CLDN19: variants seen among roughly 807,000 people sequenced by gnomAD.
The protein encoded by CLDN19 is claudin 19.
In CLDN19, 19 loss-of-function variants were observed where a neutral mutation model predicts 24.5. The ratio of observed to expected loss-of-function variants is 0.78; its 90% CI spans 0.54 to 1.14. The LOEUF is 1.14. Ranked by LOEUF, CLDN19 falls within the 50% of genes most tolerant of loss-of-function variation. The pLI is 0.00. For synonymous variants in CLDN19, 117 were observed against 129.6 expected (o/e 0.90, Z 0.66); for missense variants, 250 against 295.9 (o/e 0.84, Z 1.14).
chr1:42,736,025 T>G lies in CLDN19; in HGVS notation c.479A>C (p.Glu160Ala). 6.4e-7 allele frequency: 1 copy of G among 1,572,832 alleles called. No homozygotes were observed. The highest frequency in any genetic ancestry group is 2.2e-4 in the Middle Eastern group (1 of 4,496). Residue 160 changes from glutamate (E) to alanine (A), a missense_variant, in exon 4 of 5, where the codon GAA becomes GCA. Physicochemically the swap from Glu to Ala is moderately radical, Grantham distance 107 (BLOSUM62 -1). Coordinates refer to ENST00000296387, the MANE Select transcript of CLDN19 (RefSeq NM_148960.3). ...GCCCACGAACAGGGCTGGGCCAAAT[T>G]CATACCTGCAAGGGGTAGGGAGAGT... ...NPSTPVNARYEFGPALFVGWA... is the reference protein window; with the variant it reads ...NPSTPVNARYAFGPALFVGWA...
Position 42,740,177 on chromosome 1 carries a change from G to T in CLDN19, c.-114C>A. The T allele has an allele frequency of 1.3e-6, 1 of 791,656 alleles. No homozygotes were observed. Among genetic ancestry groups the T allele is most frequent in the Non-Finnish European group, 2.1e-6 (1 of 468,880 alleles). 49.0% of individuals were successfully genotyped at this position (791,656 alleles called of 1,614,324 possible). A position where few individuals can be genotyped will look rare whatever the true frequency, so the allele number is the denominator to read the frequency against. On this transcript the variant is annotated 5_prime_UTR_variant, in exon 1 of 5. Transcript: ENST00000296387. Reference sequence around the variant, plus strand: ...AGCTGGGCAGGGGGAGCAGCGAGAAGGAGGGTCAGAGGCAGAGAAGGAGAG... The same window carrying T: ...AGCTGGGCAGGGGGAGCAGCGAGAATGAGGGTCAGAGGCAGAGAAGGAGAG...
chr1:42,735,532 T>C lies in CLDN19; in HGVS notation c.626+346A>G, dbSNP rs964577864. 4.9e-6 allele frequency: 7 copies of C among 1,416,326 alleles called. No individual in the cohort carries two copies. In the Admixed American group the frequency reaches 1.4e-4, roughly 29 times the overall value. 87.7% of individuals were successfully genotyped at this position (1,416,326 alleles called of 1,614,324 possible). A position where few individuals can be genotyped will look rare whatever the true frequency, so the allele number is the denominator to read the frequency against. On this transcript the variant is annotated intron_variant, in intron 4 of 4. Coordinates refer to ENST00000296387, the MANE Select transcript of CLDN19 (RefSeq NM_148960.3). ...TGCTCTATCTCTAGGGCCCAGCACGTAGCAGACACCCAAGCAGCTCTTCAG... is the reference window on the plus strand; with the variant it reads ...TGCTCTATCTCTAGGGCCCAGCACGCAGCAGACACCCAAGCAGCTCTTCAG...
rs762485847 is a variant in CLDN19, at chr1:42,736,077, G to A, written c.474-47C>T. ...GCATCAGGTGTGGCTGCCGTCTCAG[G>A]TTGTTCCCAGTCCCTGCCCTGGCAG... On this transcript the variant is annotated intron_variant, in intron 3 of 4. Coordinates refer to ENST00000296387, the MANE Select transcript of CLDN19 (RefSeq NM_148960.3). 3 of 1,299,462 alleles carry A rather than the reference G, an allele frequency of 2.3e-6. No homozygotes were observed. The Admixed American group carries it at 6.0e-5, about 26-fold the overall frequency. The allele number at this position is 1,299,462 out of a possible 1,614,324, so 80.5% of individuals were successfully genotyped here. A position where few individuals can be genotyped will look rare whatever the true frequency, so the allele number is the denominator to read the frequency against.
chr1:42,740,201 AGGT>A lies in CLDN19; in HGVS notation c.-141_-139del. The A allele has an allele frequency of 2.8e-6, 2 of 716,348 alleles. No individual in the cohort carries two copies. The highest frequency in any genetic ancestry group is 5.0e-6 in the Non-Finnish European group (2 of 402,596). The allele number at this position is 716,348 out of a possible 1,614,324, so 44.4% of individuals were successfully genotyped here. On this transcript the variant is annotated 5_prime_UTR_variant, in exon 1 of 5. Transcript: ENST00000296387. The stretch of plus-strand genomic sequence containing the variant: ...AGGAGGGTCAGAGGCAGAGAAGGAG[AGGT>A]GGTGCGGCGGCAGCGGCTGGAGCAA...
In CLDN19 at chr1:42,735,075, G is replaced by A; in HGVS notation, c.*11C>T. 6.3e-7 allele frequency: 1 copy of A among 1,595,026 alleles called. No individual in the cohort carries two copies. The highest frequency in any genetic ancestry group is 2.2e-5 in the East Asian group (1 of 44,814). Reference sequence around the variant, plus strand: ...TATGGCAGGGGACAGAGCCTGGCTGGGGACTGGACATTACACACCCAGGGG... The same window carrying A: ...TATGGCAGGGGACAGAGCCTGGCTGAGGACTGGACATTACACACCCAGGGG... On this transcript the variant is annotated 3_prime_UTR_variant, in exon 5 of 5. Transcript: ENST00000296387.
chr1:42,734,254 T>TAAGGGG lies in CLDN19; in HGVS notation c.*831_*832insCCCCTT, dbSNP rs1651283244. The TAAGGGG allele has an allele frequency of 6.6e-6, 1 of 152,350 alleles. No homozygotes were observed. The highest frequency in any genetic ancestry group is 2.4e-5 in the African/African-American group (1 of 41,410). The allele number at this position is 152,350 out of a possible 1,614,324, so 9.4% of individuals were successfully genotyped here. A position where few individuals can be genotyped will look rare whatever the true frequency, so the allele number is the denominator to read the frequency against. ...CTGTATGCTAAGGGGGGATGGTACCTGGACTTCAAGACCAAAAGCCCTTCT... is the reference window on the plus strand; with the variant it reads ...CTGTATGCTAAGGGGGGATGGTACCTAAGGGGGGACTTCAAGACCAAAAGCCCTTCT... On this transcript the variant is annotated 3_prime_UTR_variant, in exon 5 of 5. Transcript: ENST00000296387.
At chr1:42,739,768 G>A (rs530941529) in intron 1 of CLDN19, 73 bp downstream of exon 1, 15 of 1,270,112 alleles carry the variant, frequency 1.2e-5, no homozygotes, top group Admixed American at 1.8e-5. Flanking sequence ...ATAGCAGACT[G>A]TGAGGAAAAC....
At chr1:42,735,591 G>A in intron 4 of CLDN19, 1 of 1,423,764 alleles carries the variant, frequency 7.0e-7, no homozygotes, top group African/African-American at 1.4e-5. Context: ...CTGAGGGCCT[G>A]TCTCCAGGGA....
intron 2 of CLDN19, 35 bp downstream of exon 2, chr1:42,738,386 A>G (rs1342477555): frequency 1.2e-6 from 2 of 1,613,678 alleles, no homozygotes; most frequent in East Asian, 2.2e-5. Context: ...GCTGCCTGCC[A>G]TGGTTGTGAT....
intron 4 of CLDN19, 99 bp downstream of exon 4, chr1:42,735,779 C>A (rs778620439): frequency 1.3e-6 from 2 of 1,536,706 alleles, no homozygotes; most frequent in Non-Finnish European, 1.8e-6. Flanking sequence ...CATCCTATGC[C>A]CCAGTGGCCC....
chr1:42,739,450 C>G (rs1308904227), intron 1 of CLDN19, among the ~76,000 whole-genome samples: 1 of 152,230 alleles, frequency 6.6e-6, no homozygotes, highest in Non-Finnish European at 1.5e-5. Context: ...GACTAGGGAG[C>G]AGGTGTGCAT....
At position 42,738,288 on chromosome 1, in the gene CLDN19, C is replaced by T. The variant is rs370124717; in HGVS notation, c.414G>A (p.Ser138=). 82 of 1,613,896 alleles carry T rather than the reference C, an allele frequency of 5.1e-5. No individual in the cohort carries two copies. Among genetic ancestry groups the T allele is most frequent in the African/African-American group, 3.2e-4 (24 of 75,066 alleles). ...CCTGGGTCACCAGGGTGGCATACCA[C>T]GAGACAGCAGTCAAAGTGCAGAGGC... ...LAGLCTLTAV[S]WYATLVTQEF... is the part of the protein sequence containing the mutation. Residue 138 remains serine, a synonymous_variant, in exon 3 of 5, where the codon TCG becomes TCA. Transcript: ENST00000296387.
chr1:42,738,634 G>A, intron 1 of CLDN19, 49 bp from the exon 2 acceptor site: 1 of 1,588,682 alleles, frequency 6.3e-7, no homozygotes, highest in Non-Finnish European at 8.6e-7. Context: ...GATGGGGGTT[G>A]GGTCGGTGCC....
intron 4 of CLDN19, chr1:42,735,418 G>T: frequency 7.0e-7 from 1 of 1,421,010 alleles, no homozygotes; most frequent in Non-Finnish European, 9.2e-7. Flanking sequence ...CTGCCCTTGT[G>T]GGGTTGCTGT....
chr1:42,734,864 A>C lies in CLDN19; in HGVS notation c.*222T>G. On this transcript the variant is annotated 3_prime_UTR_variant, in exon 5 of 5. Coordinates refer to ENST00000296387, the MANE Select transcript of CLDN19 (RefSeq NM_148960.3). ...TGAATTATTTCTTGCTTAGCCCTGG[A>C]TGTGCTATGTAACCCACCCTGGACC... The C allele has an allele frequency of 1.7e-6, 1 of 590,818 alleles. No homozygotes were observed. The allele number at this position is 590,818 out of a possible 1,614,324, so 36.6% of individuals were successfully genotyped here. A position where few individuals can be genotyped will look rare whatever the true frequency, so the allele number is the denominator to read the frequency against.
chr1:42,737,974 C>T (rs1169188557), intron 3 of CLDN19, among the ~76,000 whole-genome samples: 1 of 152,096 alleles, frequency 6.6e-6, no homozygotes, highest in East Asian at 1.9e-4. Context: ...TGAGCCACTG[C>T]ACCCAGCCAG....
chr1:42,738,641 T>C, intron 1 of CLDN19, 56 bp from the exon 2 acceptor site: 1 of 1,573,254 alleles, frequency 6.4e-7, no homozygotes, highest in Non-Finnish European at 8.7e-7. Context: ...GTTGGGTCGG[T>C]GCCTGGGGTC....
In CLDN19 at chr1:42,733,171, T is replaced by G. The variant is rs1250436417; in HGVS notation, c.*1915A>C. 1 of 142,908 alleles carries G rather than the reference T, an allele frequency of 7.0e-6. No individual in the cohort carries two copies. The highest frequency in any genetic ancestry group is 1.5e-5 in the Non-Finnish European group (1 of 66,384). 8.9% of individuals were successfully genotyped at this position (142,908 alleles called of 1,614,324 possible). A position where few individuals can be genotyped will look rare whatever the true frequency, so the allele number is the denominator to read the frequency against. The stretch of plus-strand genomic sequence containing the variant: ...CTGACTGCAACCTCCACCTCCCGAG[T>G]TCAAGCGATTCTCCTGCCTCAGCCT... On this transcript the variant is annotated 3_prime_UTR_variant, in exon 5 of 5. Coordinates refer to ENST00000296387, the MANE Select transcript of CLDN19 (RefSeq NM_148960.3).
rs966857083 is a variant in CLDN19 at position 42,734,926 on chromosome 1, G to T, written c.*160C>A. 3.0e-6 allele frequency: 2 copies of T among 676,914 alleles called. No individual in the cohort carries two copies. Among genetic ancestry groups the T allele is most frequent in the Non-Finnish European group, 5.4e-6 (2 of 372,116 alleles). The allele number at this position is 676,914 out of a possible 1,614,324, so 41.9% of individuals were successfully genotyped here. On this transcript the variant is annotated 3_prime_UTR_variant, in exon 5 of 5. Coordinates refer to ENST00000296387, the MANE Select transcript of CLDN19 (RefSeq NM_148960.3). ...ATCTTTCTGCCCAAGAGCCCCAGGG[G>T]TCAGCACTGACCACTCTGACACAGG... is the stretch of plus-strand genomic sequence containing the variant.
Sources: gnomAD v4.1 joint callset for allele counts (sites outside exome capture counted in the v4.1 genomes callset) on GRCh38, gnomAD v4.1.1 for gene constraint, MANE v1.5 for transcripts, NCBI Gene and HGNC (gene_info 2026-07-23, HGNC 2026-07-21) for gene names.